DAPK2: variants seen among roughly 807,000 people sequenced by gnomAD.
DAPK2 encodes the protein death-associated protein kinase 2.
A neutral mutation model predicts 44.1 loss-of-function variants in DAPK2; 35 were observed. The observed-to-expected ratio is 0.79, with a 90% CI of 0.61 to 1.05. DAPK2 has a LOEUF of 1.05. DAPK2 is among the 50% of genes least tolerant of loss of function. The pLI is 0.00. For missense variants in DAPK2, 453 were observed against 483.2 expected, an observed-to-expected ratio of 0.94 and a Z score of 0.59; for synonymous variants, 174 against 182.6, an observed-to-expected ratio of 0.95 and a Z score of 0.38.
intron 7 of DAPK2, 67 bp downstream of exon 8, chr15:63,925,874 G>A: frequency 6.3e-7 from 1 of 1,593,628 alleles, no homozygotes; most frequent in South Asian, 1.1e-5. Context: ...CATACTGACA[G>A]GTCTTTGACA....
At chr15:63,992,707 T>C (rs1176794208) in intron 1 of DAPK2, among the ~76,000 whole-genome samples, 1 of 152,188 alleles carries the variant, frequency 6.6e-6, no homozygotes, top group Admixed American at 6.5e-5. Flanking sequence ...TGCCCTTTCC[T>C]TTCCTCCTTG....
chr15:63,941,370 T>C (rs963059859), intron 3 of DAPK2, among the ~76,000 whole-genome samples: 6 of 152,168 alleles, frequency 3.9e-5, no homozygotes, highest in African/African-American at 1.4e-4. Context: ...CCAGCGGCCC[T>C]TTGCTGTTTT....
upstream of DAPK2, among the ~76,000 whole-genome samples, chr15:64,044,481 T>C (rs1031563313): frequency 1.3e-5 from 2 of 152,184 alleles, no homozygotes; most frequent in African/African-American, 4.8e-5. Context: ...TGAAAACCAC[T>C]GCTGTCTGGT....
chr15:64,036,086 C>A (rs914731723), intron 1 of DAPK2, among the ~76,000 whole-genome samples: 2 of 151,506 alleles, frequency 1.3e-5, no homozygotes, highest in Non-Finnish European at 2.9e-5. Flanking sequence ...CATGGTGAAA[C>A]CCCATATCTA....
chr15:63,995,260 C>T (rs2078923394), intron 1 of DAPK2, among the ~76,000 whole-genome samples: 1 of 152,174 alleles, frequency 6.6e-6, no homozygotes, highest in South Asian at 2.1e-4. Context: ...TAGCTCATTG[C>T]AGCCTCAGCC....
chr15:63,965,887 GCTGT>G (rs979464955), intron 3 of DAPK2, among the ~76,000 whole-genome samples: 29 of 152,232 alleles, frequency 1.9e-4, no homozygotes, highest in Admixed American at 1.6e-3. Flanking sequence ...GTCCAGAAAT[GCTGT>G]CTAAGAGCCA....
At chr15:63,938,679 G>A (rs1264255705) in intron 4 of DAPK2, among the ~76,000 whole-genome samples, 1 of 152,218 alleles carries the variant, frequency 6.6e-6, no homozygotes, top group South Asian at 2.1e-4. Flanking sequence ...GGCTTCTGGG[G>A]TACAGAATGG....
intron 1 of DAPK2, among the ~76,000 whole-genome samples, chr15:64,045,820 G>A (rs2080449280): frequency 6.6e-6 from 1 of 152,208 alleles, no homozygotes; most frequent in Non-Finnish European, 1.5e-5. Context: ...AGGCCGGGGC[G>A]CCTGACGGCG....
Position 63,983,520 on chromosome 15 carries a change from G to T in DAPK2, c.314+13C>A. On this transcript the variant is annotated intron_variant, in intron 2 of 10. Transcript: ENST00000261891. ...TGCCCCCCAACCCTGTGGGTCCTGGGGACCCCACTCACAGCTCAAGGATGA... is the reference window on the plus strand; with the variant it reads ...TGCCCCCCAACCCTGTGGGTCCTGGTGACCCCACTCACAGCTCAAGGATGA... The T allele has an allele frequency of 1.2e-6, 2 of 1,612,382 alleles. No homozygotes were observed. Among genetic ancestry groups the T allele is most frequent in the Non-Finnish European group, 1.7e-6 (2 of 1,178,598 alleles).
chr15:63,984,556 GC>G (rs2078619134), intron 1 of DAPK2, among the ~76,000 whole-genome samples: 1 of 152,176 alleles, frequency 6.6e-6, no homozygotes, highest in Non-Finnish European at 1.5e-5. Context: ...ACCTGCTTCT[GC>G]ACCTCAGTTC....
chr15:64,011,872 C>T (rs1291123582), intron 1 of DAPK2, among the ~76,000 whole-genome samples: 1 of 152,164 alleles, frequency 6.6e-6, no homozygotes, highest in Non-Finnish European at 1.5e-5. Flanking sequence ...ACATGCTTTA[C>T]TCTAAGTGGG....
chr15:64,039,648 T>C (rs774548054), intron 1 of DAPK2, among the ~76,000 whole-genome samples: 3 of 152,214 alleles, frequency 2.0e-5, no homozygotes, highest in Non-Finnish European at 2.9e-5. Flanking sequence ...ACCCTGGCTG[T>C]GCTCTGGGCT....
At chr15:64,024,310 G>A (rs2079773229) in intron 1 of DAPK2, among the ~76,000 whole-genome samples, 2 of 152,232 alleles carry the variant, frequency 1.3e-5, no homozygotes, top group African/African-American at 4.8e-5. Flanking sequence ...AAGGAGGAAA[G>A]TGATCCTCGA....
chr15:63,919,529 T>A (rs573698888), intron 8 of DAPK2: 2 of 152,356 alleles, frequency 1.3e-5, no homozygotes, highest in East Asian at 3.9e-4. Flanking sequence ...CAGGCTGGAG[T>A]GCAATGGCGT....
At chr15:63,913,539 G>T (rs1265106437) in intron 8 of DAPK2, among the ~76,000 whole-genome samples, 1 of 152,114 alleles carries the variant, frequency 6.6e-6, no homozygotes, top group Admixed American at 6.5e-5. Context: ...CCTTCCTGCC[G>T]CAATGCCTCA....
chr15:63,988,706 A>C (rs1462953457), intron 1 of DAPK2, among the ~76,000 whole-genome samples: 2 of 151,528 alleles, frequency 1.3e-5, no homozygotes, highest in Non-Finnish European at 2.9e-5. Context: ...GGATTTCACC[A>C]TGTTGGCCAG....
intron 3 of DAPK2, among the ~76,000 whole-genome samples, chr15:63,957,626 G>T (rs552753371): frequency 7.3e-5 from 11 of 151,214 alleles, no homozygotes; most frequent in Non-Finnish European, 1.3e-4. Flanking sequence ...CTGTCCTTGC[G>T]ATAGTTTGCT....
rs978031794 is a variant in DAPK2, at chr15:63,912,410, C to T, written c.859-213G>A. ...AGGAGTTGCCTCTCAGCTATTATTA[C>T]CACAGCCTGACACACACACAGCCTT... On this transcript the variant is annotated intron_variant, in intron 8 of 10. Transcript: ENST00000261891. The surrounding 1 kb of genome is among the most constrained non-coding windows in gnomAD (Gnocchi z 4.4). Among the ~76,000 whole-genome samples the T allele has an allele frequency of 4.6e-5, 7 of 152,252 alleles. No homozygotes were observed. Among genetic ancestry groups the T allele is most frequent in the Non-Finnish European group, 2.9e-5 (2 of 68,050 alleles).
At chr15:63,967,377 C>T (rs1185018335) in intron 3 of DAPK2, among the ~76,000 whole-genome samples, 1 of 151,948 alleles carries the variant, frequency 6.6e-6, no homozygotes, top group African/African-American at 2.4e-5. Context: ...ACCAATACTG[C>T]TTATCTCATA....
Sources: allele counts gnomAD v4.1 joint callset (sites outside exome capture counted in the v4.1 genomes callset), GRCh38; gene constraint gnomAD v4.1.1; non-coding constraint Gnocchi (gnomAD v3.1); transcripts MANE v1.5; gene names NCBI Gene and HGNC (gene_info 2026-07-23, HGNC 2026-07-21).